The following GPR132 variants were observed in gnomAD, a reference collection of about 807,000 sequenced individuals.
GPR132 encodes probable G protein-coupled receptor 132.
A neutral mutation model predicts 1.9 loss-of-function variants in GPR132; 4 were observed. That is an observed-to-expected ratio of 2.13 (90% CI 1.05 to 4.87). The LOEUF is 4.87. Ranked by LOEUF, GPR132 falls within the 30% of genes most tolerant of loss-of-function variation. GPR132 has a pLI of 0.01. For missense variants in GPR132, 404 were observed against 512.5 expected (o/e 0.79, Z 2.04); for synonymous variants, 233 against 234.2 (o/e 0.99, Z 0.05).
chr14:105,054,166 C>T, intron 3 of GPR132: 1 of 1,269,914 alleles, frequency 7.9e-7, no homozygotes, highest in Non-Finnish European at 1.0e-6. Context: ...GCCTCAGCAC[C>T]TGACGGACGG....
In GPR132 at chr14:105,050,826, G is replaced by T. The variant is rs964397778; in HGVS notation, c.*168C>A. 7 of 650,624 alleles carry T rather than the reference G, an allele frequency of 1.1e-5. No homozygotes were observed. The African/African-American group carries it at 1.3e-4, about 12-fold the overall frequency. 40.3% of individuals were successfully genotyped at this position (650,624 alleles called of 1,614,324 possible). ...TTGGCATGCAGCCACCTTCCATGTGGGAAAGCCTGGGGCCAGTGGTCACGG... is the reference window on the plus strand; with the variant it reads ...TTGGCATGCAGCCACCTTCCATGTGTGAAAGCCTGGGGCCAGTGGTCACGG... On this transcript the variant is annotated 3_prime_UTR_variant, in exon 4 of 4. Transcript: ENST00000329797. This position sits in a 1 kb window ranked among gnomAD's most constrained non-coding sequence, Gnocchi z 4.0.
At chr14:105,052,731 C>A (rs1886684192) in intron 3 of GPR132, among the ~76,000 whole-genome samples, 1 of 150,876 alleles carries the variant, frequency 6.6e-6, no homozygotes, top group South Asian at 2.1e-4. Flanking sequence ...CTGAGGCAGG[C>A]AGATCACTTG....
rs1052262088 is a variant in GPR132 at position 105,055,469 on chromosome 14, A to C, written c.-49T>G. ...CAGCATCCGTCGGCAGAACCTTCTC[A>C]TCTTCCCAAACGGAGACTCTGCCCC... On this transcript the variant is annotated 5_prime_UTR_variant, in exon 3 of 4. The change abolishes an upstream ATG in the 5' untranslated region. Coordinates refer to ENST00000329797, the MANE Select transcript of GPR132 (RefSeq NM_013345.4). The surrounding 1 kb of genome is among the most constrained non-coding windows in gnomAD (Gnocchi z 4.7). 9 of 778,592 alleles carry C rather than the reference A, an allele frequency of 1.2e-5. No individual in the cohort carries two copies. The African/African-American group carries it at 1.2e-4, about 10-fold the overall frequency. The allele number at this position is 778,592 out of a possible 1,614,324, so 48.2% of individuals were successfully genotyped here.
In GPR132 at chr14:105,055,701, T is replaced by G. The variant is rs1336033803; in HGVS notation, c.-281A>C. ...AGCGTGTGCCAGGATTTCCCTTCCT[T>G]TCAAAGGCGGGATGGTATTCCATTG... On this transcript the variant is annotated 5_prime_UTR_variant, in exon 3 of 4. Coordinates refer to ENST00000329797, the MANE Select transcript of GPR132 (RefSeq NM_013345.4). The surrounding 1 kb of genome is among the most constrained non-coding windows in gnomAD (Gnocchi z 4.7). 1 of 510,742 alleles carries G rather than the reference T, an allele frequency of 2.0e-6. No individual in the cohort carries two copies. The highest frequency in any genetic ancestry group is 1.9e-5 in the African/African-American group (1 of 52,824). The allele number at this position is 510,742 out of a possible 1,614,324, so 31.6% of individuals were successfully genotyped here.
At chr14:105,052,584 C>T (rs1033925506) in intron 3 of GPR132, among the ~76,000 whole-genome samples, 2 of 151,748 alleles carry the variant, frequency 1.3e-5, no homozygotes, top group African/African-American at 4.8e-5. Context: ...GCATCAGCTT[C>T]CCAAAGTGCT....
At chr14:105,054,198 T>C (rs1373227623) in intron 3 of GPR132, 1 of 1,235,248 alleles carries the variant, frequency 8.1e-7, no homozygotes, top group Admixed American at 2.7e-5. Flanking sequence ...CCAAACTTAT[T>C]GGGCCACAGC....
rs1886651375 is a variant in GPR132, at chr14:105,051,732, G to A, written c.405C>T (p.Cys135=). 2 of 1,614,062 alleles carry A rather than the reference G, an allele frequency of 1.2e-6. No individual in the cohort carries two copies. Among genetic ancestry groups the A allele is most frequent in the African/African-American group, 2.7e-5 (2 of 74,940 alleles). The change falls in exon 4 of 4, where the codon TGC becomes TGT. Residue 135 remains cysteine, a synonymous_variant. Coordinates refer to ENST00000329797, the MANE Select transcript of GPR132 (RefSeq NM_013345.4). The surrounding 1 kb of genome is among the most constrained non-coding windows in gnomAD (Gnocchi z 8.0). The part of the protein sequence containing the change: ...NIYVSILFLC[C]ISCDRFVAVV... ...CGGCCACGAAGCGGTCGCAGGAGATGCAGCACAGGAAGAGGATGCTGACGT... is the reference window on the plus strand; with the variant it reads ...CGGCCACGAAGCGGTCGCAGGAGATACAGCACAGGAAGAGGATGCTGACGT...
chr14:105,063,373 G>A (rs1595142927), intron 1 of GPR132, among the ~76,000 whole-genome samples: 1 of 150,976 alleles, frequency 6.6e-6, no homozygotes, highest in Non-Finnish European at 1.5e-5. Context: ...AATCTATTTT[G>A]TAACTTTTTT....
chr14:105,054,955 G>A (rs1196957120), intron 3 of GPR132, among the ~76,000 whole-genome samples: 1 of 149,184 alleles, frequency 6.7e-6, no homozygotes, highest in African/African-American at 2.5e-5. Flanking sequence ...CAGGAGAATG[G>A]TGTGAACCCG....
rs1020338839 is a variant in GPR132 at position 105,056,761 on chromosome 14, G to C, written c.-747+406C>G. ...CGCTCCCCCGCCTCCTGCCACAAGT[G>C]ACCTCCTGGGAAGAGAGCCTTCCTG... On this transcript the variant is annotated intron_variant, in intron 2 of 3. Transcript: ENST00000329797. The surrounding 1 kb of genome is among the most constrained non-coding windows in gnomAD (Gnocchi z 6.0). Among the ~76,000 whole-genome samples, 3 of 152,226 alleles carry C rather than the reference G, an allele frequency of 2.0e-5. No homozygotes were observed. Among genetic ancestry groups the C allele is most frequent in the Non-Finnish European group, 4.4e-5 (3 of 68,044 alleles).
At position 105,061,616 on chromosome 14, in the gene GPR132, C is replaced by T. The variant is rs527988885; in HGVS notation, c.-861+3763G>A. Among the ~76,000 whole-genome samples, 7 of 152,192 alleles carry T rather than the reference C, an allele frequency of 4.6e-5. No individual in the cohort carries two copies. The South Asian group carries it at 1.4e-3, about 32-fold the overall frequency. On this transcript the variant is annotated intron_variant, in intron 1 of 3. Coordinates refer to ENST00000329797, the MANE Select transcript of GPR132 (RefSeq NM_013345.4). ...CCACATTTCAGGCCCTGCTCTTCCT[C>T]GGGGAGGGTGCAGTGGGGCCCGGGC...
intron 1 of GPR132, among the ~76,000 whole-genome samples, chr14:105,064,477 A>G (rs1016658386): frequency 1.3e-5 from 2 of 151,370 alleles, no homozygotes; most frequent in African/African-American, 4.9e-5. Flanking sequence ...GGGATTACAG[A>G]CGTGTGCCAA....
At position 105,056,049 on chromosome 14, in the gene GPR132, G is replaced by A. The variant is rs1886783012; in HGVS notation, c.-629C>T. On this transcript the variant is annotated 5_prime_UTR_variant, in exon 3 of 4. Coordinates refer to ENST00000329797, the MANE Select transcript of GPR132 (RefSeq NM_013345.4). The surrounding 1 kb of genome is among the most constrained non-coding windows in gnomAD (Gnocchi z 6.0). ...GGGGTGCCTCCGCGCTGTTCTCCAC[G>A]GTGGTGGCGCTGGCCCACCTTCCCC... 7 of 721,720 alleles carry A rather than the reference G, an allele frequency of 9.7e-6. No individual in the cohort carries two copies. The highest frequency in any genetic ancestry group is 1.9e-5 in the African/African-American group (1 of 52,246). 44.7% of individuals were successfully genotyped at this position (721,720 alleles called of 1,614,324 possible). A position where few individuals can be genotyped will look rare whatever the true frequency, so the allele number is the denominator to read the frequency against.
At chr14:105,057,361 TATTTACTA>T in intron 1 of GPR132, 81 bp from the exon 2 acceptor site, 1 of 572,192 alleles carries the variant, frequency 1.7e-6, no homozygotes, top group Non-Finnish European at 3.1e-6. Flanking sequence ...GGCTAGTGAG[TATTTACTA>T]ATTTACTAAG....
chr14:105,061,741 C>CT (rs1256905302), intron 1 of GPR132, among the ~76,000 whole-genome samples: 1 of 151,990 alleles, frequency 6.6e-6, no homozygotes, highest in Admixed American at 6.5e-5. Flanking sequence ...CACCACCCTC[C>CT]TGGGGGGGGG....
chr14:105,051,424 G>C lies in GPR132; in HGVS notation c.713C>G (p.Ala238Gly), dbSNP rs200443926. ...QSMGLSAAQK[A>G]KVKHSAIAVV... ...CGCGATGGCCGAGTGCTTCACCTTGGCCTTCTGGGCAGCGCTTAAGCCCAT... is the reference window on the plus strand; with the variant it reads ...CGCGATGGCCGAGTGCTTCACCTTGCCCTTCTGGGCAGCGCTTAAGCCCAT... Residue 238 changes from alanine to glycine, a missense_variant, in exon 4 of 4, where the codon GCC (alanine) becomes GGC (glycine). Coordinates refer to ENST00000329797, the MANE Select transcript of GPR132 (RefSeq NM_013345.4). This position sits in a 1 kb window ranked among gnomAD's most constrained non-coding sequence, Gnocchi z 8.0. 2 of 1,614,146 alleles carry C rather than the reference G, an allele frequency of 1.2e-6. No individual in the cohort carries two copies. The highest frequency in any genetic ancestry group is 2.2e-5 in the East Asian group (1 of 44,890).
In GPR132 at chr14:105,062,895, C is replaced by T. The variant is rs950088488; in HGVS notation, c.-861+2484G>A. On this transcript the variant is annotated intron_variant, in intron 1 of 3. Transcript: ENST00000329797. Reference sequence around the variant, plus strand: ...CTCTCTCTCTCTCCCTAACCCTCTCCCTCTCTCTCTTGCTTTATTTGTTTG... The same window carrying T: ...CTCTCTCTCTCTCCCTAACCCTCTCTCTCTCTCTCTTGCTTTATTTGTTTG... Among the ~76,000 whole-genome samples the T allele has an allele frequency of 4.0e-5, 6 of 150,990 alleles. No individual in the cohort carries two copies. In the East Asian group the frequency reaches 1.2e-3, roughly 30 times the overall value.
rs754087891 is a variant in GPR132, at chr14:105,052,091, G to A, written c.46C>T (p.Pro16Ser). 52 of 1,568,256 alleles carry A rather than the reference G, an allele frequency of 3.3e-5. No homozygotes were observed. The highest frequency in any genetic ancestry group is 4.1e-5 in the Non-Finnish European group (47 of 1,159,250). ...LKNGYNGNAT[P>S]VTTTAPWASL... is the part of the protein sequence containing the mutation. ...GCCCACGGGGCAGTGGTGGTCACTG[G>A]GGTGGCGTTTCCTGTGGGACAGAGA... The change falls in exon 4 of 4, where the codon CCA becomes TCA. Residue 16 changes from proline (P) to serine (S), a missense_variant. Pro to Ser is a moderately conservative substitution (Grantham distance 74, BLOSUM62 -1). Coordinates refer to ENST00000329797, the MANE Select transcript of GPR132 (RefSeq NM_013345.4).
chr14:105,062,612 C>T (rs1331044786), intron 1 of GPR132, among the ~76,000 whole-genome samples: 1 of 140,156 alleles, frequency 7.1e-6, no homozygotes, highest in Non-Finnish European at 1.5e-5. Context: ...GCGATCTTGG[C>T]TCACTGCAAC....
Sources: gnomAD v4.1 joint callset for allele counts (sites outside exome capture counted in the v4.1 genomes callset) on GRCh38, gnomAD v4.1.1 for gene constraint, Gnocchi (gnomAD v3.1) non-coding constraint, MANE v1.5 for transcripts, NCBI Gene and HGNC (gene_info 2026-07-23, HGNC 2026-07-21) for gene names.